Variants in GPC5 observed in about 807,000 individuals in gnomAD.
GPC5 encodes glypican 5, also known as glypican-5.
GPC5 carries 47 observed loss-of-function variants against 53.9 expected under a neutral mutation model. That is an observed-to-expected ratio of 0.87 (90% CI 0.69 to 1.11). The LOEUF (loss-of-function observed/expected upper bound fraction) is 1.11. Ranked by LOEUF, GPC5 falls within the 50% of genes most tolerant of loss-of-function variation. The pLI, the probability that GPC5 is intolerant of heterozygous loss-of-function variation, is 0.00. For missense variants in GPC5, 748 were observed against 713.1 expected (o/e 1.05, Z -0.56); for synonymous variants, 286 against 263.3 (o/e 1.09, Z -0.84).
chr13:92,264,284 A>G (rs187766094), intron 7 of GPC5, among the ~76,000 whole-genome samples: 2 of 152,296 alleles, frequency 1.3e-5, no homozygotes, highest in Admixed American at 1.3e-4. Context: ...TGGCTGTAAC[A>G]TTTTTAAAAT....
At chr13:92,142,985 C>A (rs560156587) in intron 6 of GPC5, among the ~76,000 whole-genome samples, 1 of 152,058 alleles carries the variant, frequency 6.6e-6, no homozygotes, top group East Asian at 1.9e-4. Flanking sequence ...CAATATTGTA[C>A]TAGAATATAT....
chr13:92,440,585 G>A lies in GPC5; in HGVS notation c.1561+295596G>A, dbSNP rs35247028. 1.2e-3 allele frequency among the ~76,000 whole-genome samples: 185 copies of A among 152,258 alleles called. 1 individual carries two copies. Among genetic ancestry groups the A allele is most frequent in the Non-Finnish European group, 1.8e-3 (120 of 68,006 alleles). ...ATACAGGTGCACATTCTTTTTGGTAGAACAATTTATTTTCCTTTGGGTATA... is the reference window on the plus strand; with the variant it reads ...ATACAGGTGCACATTCTTTTTGGTAAAACAATTTATTTTCCTTTGGGTATA... On this transcript the variant is annotated intron_variant, in intron 7 of 7. Coordinates refer to ENST00000377067, the MANE Select transcript of GPC5 (RefSeq NM_004466.6).
intron 7 of GPC5, among the ~76,000 whole-genome samples, chr13:92,165,693 G>A (rs1726164165): frequency 6.6e-6 from 1 of 152,208 alleles, no homozygotes; most frequent in African/African-American, 2.4e-5. Flanking sequence ...AATTCAAAAT[G>A]AAATTTGGGT....
At chr13:92,043,646 T>C (rs2040958954) in intron 6 of GPC5, among the ~76,000 whole-genome samples, 1 of 152,190 alleles carries the variant, frequency 6.6e-6, no homozygotes, top group South Asian at 2.1e-4. Flanking sequence ...ATTGCAGTTA[T>C]TGGTCGTGAC....
At chr13:92,678,480 G>A (rs1380451312) in intron 7 of GPC5, among the ~76,000 whole-genome samples, 2 of 152,188 alleles carry the variant, frequency 1.3e-5, no homozygotes, top group Non-Finnish European at 2.9e-5. Flanking sequence ...AAGTCATCAA[G>A]TGGATGTAAA....
In GPC5 at chr13:91,474,523, T is replaced by C. The variant is rs367859508; in HGVS notation, c.325+25601T>C. Among the ~76,000 whole-genome samples, 19 of 152,178 alleles carry C rather than the reference T, an allele frequency of 1.2e-4. No individual in the cohort carries two copies. In the South Asian group the frequency reaches 1.9e-3, roughly 15 times the overall value. On this transcript the variant is annotated intron_variant, in intron 2 of 7. Coordinates refer to ENST00000377067, the MANE Select transcript of GPC5 (RefSeq NM_004466.6). ...TCTCAATCTCTTTCCACATCTACCT[T>C]TGAGAGTCTGATATATATGATTACA...
intron 7 of GPC5, among the ~76,000 whole-genome samples, chr13:92,712,464 CAA>C (rs60974028): frequency 3.4e-5 from 5 of 149,016 alleles, no homozygotes; most frequent in East Asian, 3.9e-4. Context: ...AACAAACAAA[CAA>C]AAAAAAAACG....
At chr13:91,417,134 G>C (rs918615546) in intron 1 of GPC5, among the ~76,000 whole-genome samples, 3 of 152,130 alleles carry the variant, frequency 2.0e-5, no homozygotes, top group Admixed American at 6.6e-5. Flanking sequence ...AGTCTAGTAT[G>C]ATTCCCAGTT....
chr13:91,960,831 T>C (rs1007788206), intron 6 of GPC5, among the ~76,000 whole-genome samples: 3 of 152,066 alleles, frequency 2.0e-5, no homozygotes, highest in Non-Finnish European at 2.9e-5. Flanking sequence ...CTTCAAAAAG[T>C]GGTGCTGGGA....
intron 7 of GPC5, among the ~76,000 whole-genome samples, chr13:92,262,543 G>A (rs2042774077): frequency 1.3e-5 from 2 of 152,240 alleles, no homozygotes; most frequent in South Asian, 2.1e-4. Context: ...TAGCATTAAT[G>A]CCATGCATTT....
intron 6 of GPC5, among the ~76,000 whole-genome samples, chr13:91,992,209 C>CG (rs1043420601): frequency 1.3e-5 from 2 of 151,702 alleles, no homozygotes; most frequent in Non-Finnish European, 2.9e-5. Flanking sequence ...TTTTTTGAAA[C>CG]TTTTTCAGAG....
At chr13:92,590,557 T>G (rs532374716) in intron 7 of GPC5, among the ~76,000 whole-genome samples, 1 of 152,244 alleles carries the variant, frequency 6.6e-6, no homozygotes, top group Non-Finnish European at 1.5e-5. Flanking sequence ...AGCTGAGTCA[T>G]GACAGTTGAC....
chr13:92,083,358 A>T (rs2041311480), intron 6 of GPC5, among the ~76,000 whole-genome samples: 2 of 152,158 alleles, frequency 1.3e-5, no homozygotes, highest in African/African-American at 4.8e-5. Context: ...AGTGGTAGGT[A>T]AAGATTGAGA....
At chr13:92,159,890 C>A (rs1348543212) in intron 7 of GPC5, among the ~76,000 whole-genome samples, 2 of 150,336 alleles carry the variant, frequency 1.3e-5, no homozygotes, top group Non-Finnish European at 3.0e-5. Flanking sequence ...GAGTGAGCCA[C>A]CGAGCCCGGT....
chr13:91,549,906 T>C (rs1566496272), intron 2 of GPC5, among the ~76,000 whole-genome samples: 1 of 152,128 alleles, frequency 6.6e-6, no homozygotes, highest in Non-Finnish European at 1.5e-5. Flanking sequence ...ACTCCCTGCT[T>C]TTACCCAATT....
At chr13:92,477,683 T>C (rs1393042501) in intron 7 of GPC5, among the ~76,000 whole-genome samples, 5 of 152,168 alleles carry the variant, frequency 3.3e-5, no homozygotes, top group Admixed American at 2.6e-4. Flanking sequence ...AAAATAATCA[T>C]ATGCATCTGT....
At chr13:91,575,250 C>A (rs886826438) in intron 2 of GPC5, among the ~76,000 whole-genome samples, 4 of 151,974 alleles carry the variant, frequency 2.6e-5, no homozygotes, top group Non-Finnish European at 5.9e-5. Flanking sequence ...GTTTCATTTT[C>A]TTTCTTGGAA....
intron 7 of GPC5, among the ~76,000 whole-genome samples, chr13:92,160,552 T>G (rs1268641016): frequency 2.6e-5 from 4 of 152,286 alleles, no homozygotes; most frequent in African/African-American, 9.6e-5. Flanking sequence ...AAAATAGATG[T>G]CTTCTGGGTG....
chr13:92,561,129 T>C (rs540945986), intron 7 of GPC5, among the ~76,000 whole-genome samples: 80 of 152,080 alleles, frequency 5.3e-4, no homozygotes, highest in African/African-American at 1.9e-3. Context: ...GTAAAATCCT[T>C]CTTCGGTGAA....
Sources: gnomAD v4.1 joint callset for allele counts (sites outside exome capture counted in the v4.1 genomes callset) on GRCh38, gnomAD v4.1.1 for gene constraint, MANE v1.5 for transcripts, NCBI Gene and HGNC (gene_info 2026-07-23, HGNC 2026-07-21) for gene names.